ACTG2: variants seen among roughly 807,000 people sequenced by gnomAD.
The protein encoded by ACTG2 is actin, gamma-enteric smooth muscle.
A neutral mutation model predicts 37.6 loss-of-function variants in ACTG2; 16 were observed. The ratio of observed to expected loss-of-function variants is 0.43; its 90% confidence interval spans 0.29 to 0.65. The LOEUF is 0.65. Ranked by LOEUF, ACTG2 falls within the 30% of genes least tolerant of loss-of-function variation. The probability of loss-of-function intolerance (pLI) is 0.18; values close to 1 mark genes in which losing one functional copy is unlikely to be tolerated. For missense variants in ACTG2, 238 were observed against 490.9 expected (o/e 0.48, Z 4.87); for synonymous variants, 181 against 179.9 (o/e 1.01, Z -0.05).
At chr2:73,909,172 C>T in intron 5 of ACTG2, 33 bp downstream of exon 5, 3 of 1,578,110 alleles carry the variant, frequency 1.9e-6, no homozygotes, top group Non-Finnish European at 2.6e-6. Flanking sequence ...CCTTTTCTGA[C>T]TTCAGGGGAG....
chr2:73,919,683 G>T lies in ACTG2; in HGVS notation c.*108G>T, dbSNP rs912888798. 6 of 1,305,468 alleles carry T rather than the reference G, an allele frequency of 4.6e-6. No individual in the cohort carries two copies. The highest frequency in any genetic ancestry group is 3.0e-5 in the African/African-American group (2 of 67,402). 80.9% of individuals were successfully genotyped at this position (1,305,468 alleles called of 1,614,324 possible). A position where few individuals can be genotyped will look rare whatever the true frequency, so the allele number is the denominator to read the frequency against. Reference sequence around the variant, plus strand: ...TCTGTGTGGGGCTCTTTTTTCCTGGGCTATGTCTCATACACAGTGCTAAGG... The same window carrying T: ...TCTGTGTGGGGCTCTTTTTTCCTGGTCTATGTCTCATACACAGTGCTAAGG... On this transcript the variant is annotated 3_prime_UTR_variant, in exon 9 of 9. Transcript: ENST00000345517.
intron 3 of ACTG2, among the ~76,000 whole-genome samples, chr2:73,906,924 A>T (rs1243590662): frequency 6.6e-6 from 1 of 152,196 alleles, no homozygotes; most frequent in African/African-American, 2.4e-5. Context: ...ATCCCAGGTG[A>T]CTCTGAGACA....
chr2:73,908,983 C>A, intron 4 of ACTG2, 72 bp from the exon 5 acceptor site: 1 of 1,471,044 alleles, frequency 6.8e-7, no homozygotes, highest in Admixed American at 1.7e-5. Context: ...AATGAGATTA[C>A]AAACCATTCT....
At chr2:73,916,843 T>C in intron 8 of ACTG2, 78 bp downstream of exon 8, 2 of 1,508,080 alleles carry the variant, frequency 1.3e-6, no homozygotes, top group Non-Finnish European at 1.8e-6. Context: ...GGAGGCAGAC[T>C]GCCAGACCTG....
intron 8 of ACTG2, 108 bp from the exon 9 acceptor site, chr2:73,919,324 T>G: frequency 7.7e-7 from 1 of 1,300,732 alleles, no homozygotes. Context: ...GTTTCTCCTG[T>G]TCTTTTCTGA....
chr2:73,911,619 G>C (rs1399499701), intron 5 of ACTG2, among the ~76,000 whole-genome samples: 5 of 152,158 alleles, frequency 3.3e-5, no homozygotes, highest in Non-Finnish European at 1.5e-5. Context: ...CAGCACAGTA[G>C]GTTTGTTTAC....
chr2:73,910,496 C>CT (rs1207318059), intron 5 of ACTG2, among the ~76,000 whole-genome samples: 4,841 of 80,584 alleles, frequency 0.06, 567 homozygotes, highest in Non-Finnish European at 0.082. Flanking sequence ...CCTCCCATGA[C>CT]TTTTTTTTTT....
intron 3 of ACTG2, among the ~76,000 whole-genome samples, chr2:73,904,082 G>A (rs1463214318): frequency 4.0e-5 from 6 of 150,488 alleles, no homozygotes; most frequent in Non-Finnish European, 7.4e-5. Context: ...CTATCTCTAT[G>A]AAATAAAAAT....
chr2:73,907,648 A>G (rs1680042737), intron 3 of ACTG2, among the ~76,000 whole-genome samples: 1 of 152,032 alleles, frequency 6.6e-6, no homozygotes. Flanking sequence ...TGCCTGGCTA[A>G]TTTTTTATCT....
At chr2:73,897,733 G>A (rs1482066231) in intron 1 of ACTG2, among the ~76,000 whole-genome samples, 1 of 152,210 alleles carries the variant, frequency 6.6e-6, no homozygotes, top group Non-Finnish European at 1.5e-5. Context: ...TGGAGGCTGG[G>A]ACATCCAAGA....
intron 3 of ACTG2, among the ~76,000 whole-genome samples, chr2:73,904,765 GTGTGTGTGTGTGTATATATATATATA>G (rs1173169101): frequency 1.5e-3 from 93 of 60,014 alleles, no homozygotes; most frequent in African/African-American, 6.8e-3. Flanking sequence ...GTGTGTGTGT[GTGTGTGTGTGTGTATATATATATATA>G]TATATATATA....
At chr2:73,917,746 C>T (rs1680299266) in intron 8 of ACTG2, among the ~76,000 whole-genome samples, 1 of 152,180 alleles carries the variant, frequency 6.6e-6, no homozygotes, top group African/African-American at 2.4e-5. Context: ...TGGTGTTCAT[C>T]ACAGAGAAAT....
intron 7 of ACTG2, among the ~76,000 whole-genome samples, chr2:73,915,838 C>T (rs1011767724): frequency 6.6e-6 from 1 of 152,098 alleles, no homozygotes; most frequent in Non-Finnish European, 1.5e-5. Context: ...AGGCAAACCT[C>T]TAAAGACAGA....
chr2:73,905,369 T>A (rs1010860859), intron 3 of ACTG2, among the ~76,000 whole-genome samples: 1 of 152,082 alleles, frequency 6.6e-6, no homozygotes, highest in Non-Finnish European at 1.5e-5. Context: ...ATCTCAAAAA[T>A]AACCAAATTT....
At chr2:73,904,777 G>GTGTGTATATATATATATA (rs1427483105) in intron 3 of ACTG2, among the ~76,000 whole-genome samples, 4 of 42,630 alleles carry the variant, frequency 9.4e-5, no homozygotes, top group South Asian at 1.0e-3. Context: ...GTGTGTGTGT[G>GTGTGTATATATATATATA]TATATATATA....
intron 1 of ACTG2, among the ~76,000 whole-genome samples, chr2:73,895,603 C>T (rs767113665): frequency 5.3e-5 from 8 of 152,178 alleles, no homozygotes; most frequent in Admixed American, 1.3e-4. Flanking sequence ...ATCTCATCAT[C>T]GCAGAGGCCC....
intron 2 of ACTG2, 32 bp from the exon 3 acceptor site, chr2:73,902,328 T>G (rs1679909766): frequency 6.2e-7 from 1 of 1,610,884 alleles, no homozygotes; most frequent in Admixed American, 1.7e-5. Context: ...CCCTCAGCCA[T>G]TCATTTCTCT....
intron 3 of ACTG2, chr2:73,902,838 T>C (rs1385398036): frequency 1.4e-6 from 2 of 1,430,660 alleles, no homozygotes; most frequent in Non-Finnish European, 1.9e-6. Context: ...GGTTCCTAAC[T>C]CCCCGTCTTG....
rs376230710 is a variant in ACTG2 at position 73,919,443 on chromosome 2, C to G, written c.999C>G (p.Pro333=). The G allele has an allele frequency of 5.6e-5, 90 of 1,613,430 alleles. 1 individual carries two copies. The highest frequency in any genetic ancestry group is 1.7e-5 in the Admixed American group (1 of 59,984). Residue 333 remains proline (P), a synonymous_variant, in exon 9 of 9, where the codon CCC becomes CCG. Coordinates refer to ENST00000345517, the MANE Select transcript of ACTG2 (RefSeq NM_001615.4). ...TTTGTTCTTTGCAGATTATTGCTCC[C>G]CCAGAGCGGAAGTACTCAGTCTGGA... The part of the protein sequence containing the change: ...PSTMKIKIIA[P]PERKYSVWIG...
Sources: gnomAD v4.1 joint callset for allele counts (sites outside exome capture counted in the v4.1 genomes callset) on GRCh38, gnomAD v4.1.1 for gene constraint, MANE v1.5 for transcripts, NCBI Gene and HGNC (gene_info 2026-07-23, HGNC 2026-07-21) for gene names.